Variants in RUBCNL observed in about 807,000 individuals in gnomAD.
RUBCNL encodes the protein rubicon like autophagy enhancer, also known as protein associated with UVRAG as autophagy enhancer.
Under a neutral mutation model 69.5 loss-of-function variants are expected in RUBCNL, and 62 were observed. That is an observed-to-expected ratio of 0.89 (90% CI 0.73 to 1.10). The LOEUF (loss-of-function observed/expected upper bound fraction) is 1.10. Among genes scored for constraint, RUBCNL ranks in the 50% least tolerant of loss-of-function variants. RUBCNL has a pLI of 0.00. For synonymous variants in RUBCNL, 291 were observed against 303.6 expected, an observed-to-expected ratio of 0.96 and a Z score of 0.43; for missense variants, 768 against 798.1, an observed-to-expected ratio of 0.96 and a Z score of 0.45.
At chr13:46,387,483 C>A, upstream of RUBCNL, 1 of 985,544 alleles carries the variant, frequency 1.0e-6, no homozygotes. Context: ...GCGCCTCTGC[C>A]GGTCCTCCTA....
chr13:46,383,805 C>T (rs753935479), intron 1 of RUBCNL, among the ~76,000 whole-genome samples: 77 of 152,140 alleles, frequency 5.1e-4, no homozygotes, highest in African/African-American at 1.2e-3. Context: ...GTATAATAGA[C>T]GACACATGGA....
At chr13:46,346,151 C>T (rs985840700) in intron 12 of RUBCNL, among the ~76,000 whole-genome samples, 2 of 152,180 alleles carry the variant, frequency 1.3e-5, no homozygotes, top group Non-Finnish European at 2.9e-5. Context: ...TCATCTTCTC[C>T]AAACCCGGCA....
chr13:46,338,132 C>T lies in RUBCNL; in HGVS notation c.*5253G>A, dbSNP rs1439096688. Among the ~76,000 whole-genome samples the T allele has an allele frequency of 4.6e-5, 7 of 152,164 alleles. No homozygotes were observed. The highest frequency in any genetic ancestry group is 1.0e-4 in the Non-Finnish European group (7 of 68,024). ...GGAGATGAAAAGGGGAAGCGCCCAC[C>T]ACTCCCATCTGCAGAGCCCATGCAA... is the stretch of plus-strand genomic sequence containing the variant. On this transcript the variant is annotated 3_prime_UTR_variant, in exon 15 of 15. Transcript: ENST00000429979.
chr13:46,385,666 C>A (rs1436304261), intron 1 of RUBCNL, among the ~76,000 whole-genome samples: 419 of 118,604 alleles, frequency 3.5e-3, no homozygotes, highest in African/African-American at 3.8e-3. Flanking sequence ...AAAGATCATG[C>A]AAAAAAAAAA....
At chr13:46,368,342 T>C in intron 4 of RUBCNL, 93 bp from the exon 5 acceptor site, 1 of 1,435,402 alleles carries the variant, frequency 7.0e-7, no homozygotes, top group Non-Finnish European at 9.4e-7. Flanking sequence ...TCTATTTAAG[T>C]GGAATTAATG....
intron 13 of RUBCNL, 23 bp from the exon 14 acceptor site, chr13:46,344,854 G>A: frequency 6.6e-7 from 1 of 1,505,734 alleles, no homozygotes; most frequent in Non-Finnish European, 9.2e-7. Flanking sequence ...ACATCAAAAA[G>A]TTACAACCTT....
At position 46,372,436 on chromosome 13, in the gene RUBCNL, C is replaced by T; in HGVS notation, c.40G>A (p.Glu14Lys). 3.1e-6 allele frequency: 5 copies of T among 1,611,376 alleles called. No individual in the cohort carries two copies. Among genetic ancestry groups the T allele is most frequent in the Non-Finnish European group, 1.7e-6 (2 of 1,178,748 alleles). The part of the protein sequence containing the change: ...QSTVRQDSPV[E>K]PWEGISDHSG... ...TGATCGCTGATCCCTTCCCAGGGCTCCACAGGAGAATCCTGCCTGACTGTA... is the reference window on the plus strand; with the variant it reads ...TGATCGCTGATCCCTTCCCAGGGCTTCACAGGAGAATCCTGCCTGACTGTA... The change falls in exon 3 of 15, where the codon GAG (glutamate) becomes AAG (lysine). Residue 14 changes from glutamate (E) to lysine (K), a missense_variant. Transcript: ENST00000429979.
At chr13:46,377,839 C>CA in intron 2 of RUBCNL, 51 bp downstream of exon 2, 1 of 1,055,830 alleles carries the variant, frequency 9.5e-7, no homozygotes, top group South Asian at 1.4e-5. Flanking sequence ...TGTCTAAGGT[C>CA]ACAGCTGGGC....
At chr13:46,372,793 T>G (rs931053163) in intron 2 of RUBCNL, among the ~76,000 whole-genome samples, 196 bp from the exon 3 acceptor site, 2 of 152,152 alleles carry the variant, frequency 1.3e-5, no homozygotes, top group African/African-American at 4.8e-5. Flanking sequence ...CTACAGAGGC[T>G]TGACATTGGG....
At chr13:46,384,567 T>TA (rs201097770) in intron 1 of RUBCNL, among the ~76,000 whole-genome samples, 127 of 151,020 alleles carry the variant, frequency 8.4e-4, no homozygotes, top group African/African-American at 2.5e-3. Context: ...CGTTACCTGT[T>TA]AAAAAAAAAC....
At chr13:46,348,717 C>T (rs139458486) in intron 12 of RUBCNL, among the ~76,000 whole-genome samples, 68 of 151,860 alleles carry the variant, frequency 4.5e-4, no homozygotes, top group Middle Eastern at 6.8e-3. Context: ...GATTCTCCTG[C>T]CTCAGCCTCC....
chr13:46,374,588 G>A (rs35049550), intron 2 of RUBCNL: 3,695 of 152,252 alleles, frequency 0.024, 94 homozygotes, highest in Non-Finnish European at 0.032. Flanking sequence ...GCCGAGAAGC[G>A]ATTACTCTTG....
At chr13:46,382,499 T>C (rs2049139968) in intron 1 of RUBCNL, among the ~76,000 whole-genome samples, 2 of 152,164 alleles carry the variant, frequency 1.3e-5, no homozygotes, top group South Asian at 4.1e-4. Flanking sequence ...GAGCACCTAC[T>C]GTCAGACCCT....
chr13:46,346,617 G>C lies in RUBCNL; in HGVS notation c.1632-1017C>G, dbSNP rs138416428. ...AAGTATAGGTATTGTTCTATGTTGT[G>C]GATGAAAAAACCGAGGCCCTGAGAC... is the stretch of plus-strand genomic sequence containing the variant. On this transcript the variant is annotated intron_variant, in intron 12 of 14. Coordinates refer to ENST00000429979, the MANE Select transcript of RUBCNL (RefSeq NM_025113.5). Among the ~76,000 whole-genome samples, 1,161 of 152,120 alleles carry C rather than the reference G, an allele frequency of 7.6e-3. 20 individuals are homozygous for C. The highest frequency in any genetic ancestry group is 0.027 in the African/African-American group (1,104 of 41,500).
intron 9 of RUBCNL, among the ~76,000 whole-genome samples, 190 bp downstream of exon 9, chr13:46,359,296 C>T (rs1422124888): frequency 6.6e-6 from 1 of 151,518 alleles, no homozygotes; most frequent in Non-Finnish European, 1.5e-5. Context: ...CCCCAAAAGT[C>T]CATGGTAAAC....
chr13:46,359,767 G>A, intron 8 of RUBCNL, 136 bp from the exon 9 acceptor site: 1 of 826,696 alleles, frequency 1.2e-6, no homozygotes, highest in Non-Finnish European at 1.8e-6. Context: ...GAACTAAAGG[G>A]CATACCAAGA....
chr13:46,367,090 G>GA (rs2048773708), intron 5 of RUBCNL, among the ~76,000 whole-genome samples: 1 of 152,204 alleles, frequency 6.6e-6, no homozygotes, highest in Admixed American at 6.5e-5. Context: ...GAAATGGTAA[G>GA]AAAGTAGCAA....
At chr13:46,358,304 G>A (rs376266417) in intron 9 of RUBCNL, among the ~76,000 whole-genome samples, 4 of 152,194 alleles carry the variant, frequency 2.6e-5, no homozygotes, top group Non-Finnish European at 4.4e-5. Context: ...CGGTCCCTTT[G>A]TAATGCTTGG....
At chr13:46,370,905 GC>G (rs1378777813) in intron 3 of RUBCNL, among the ~76,000 whole-genome samples, 4 of 134,760 alleles carry the variant, frequency 3.0e-5, no homozygotes, top group African/African-American at 1.1e-4. Context: ...AAGCAAGTGA[GC>G]AAAAAAATAG....
Sources: allele counts gnomAD v4.1 joint callset (sites outside exome capture counted in the v4.1 genomes callset), GRCh38; gene constraint gnomAD v4.1.1; transcripts MANE v1.5; gene names NCBI Gene and HGNC (gene_info 2026-07-23, HGNC 2026-07-21).